The following EPHB1 variants were observed in gnomAD, a reference collection of about 807,000 sequenced individuals.
EPHB1 encodes the protein EPH receptor B1.
A neutral mutation model predicts 94.4 loss-of-function variants in EPHB1; 30 were observed. The observed-to-expected ratio is 0.32, with a 90% CI of 0.24 to 0.43. The LOEUF is 0.43. Among genes scored for constraint, EPHB1 ranks in the 20% least tolerant of loss-of-function variants. The pLI is 1.00. For synonymous variants in EPHB1, 522 were observed against 489.1 expected (o/e 1.07, Z -0.89); for missense variants, 1,055 against 1,308.3 (o/e 0.81, Z 2.99).
At chr3:135,074,240 C>G (rs972898662) in intron 3 of EPHB1, among the ~76,000 whole-genome samples, 1 of 152,222 alleles carries the variant, frequency 6.6e-6, no homozygotes, top group Non-Finnish European at 1.5e-5. Flanking sequence ...TCTCTACATT[C>G]TCCAATTGAT....
At chr3:134,862,706 A>G (rs6439528) in intron 1 of EPHB1, among the ~76,000 whole-genome samples, 150,534 of 152,152 alleles carry the variant, frequency 0.99, 74,485 homozygotes, top group Middle Eastern at 1. Flanking sequence ...TGCCGTGGCC[A>G]TTGGTGTTTG....
chr3:134,857,784 C>T (rs1362822023), intron 1 of EPHB1, among the ~76,000 whole-genome samples: 2 of 152,168 alleles, frequency 1.3e-5, no homozygotes, highest in African/African-American at 4.8e-5. Context: ...CCTTTATTCC[C>T]CTCCTCTCTG....
intron 1 of EPHB1, among the ~76,000 whole-genome samples, chr3:134,922,090 C>A (rs1318378309): frequency 6.6e-6 from 1 of 152,210 alleles, no homozygotes; most frequent in East Asian, 1.9e-4. Context: ...GTGTCCTCTG[C>A]AGGAATCCCC....
chr3:135,167,954 G>C (rs1941696623), intron 9 of EPHB1, among the ~76,000 whole-genome samples: 1 of 152,122 alleles, frequency 6.6e-6, no homozygotes, highest in African/African-American at 2.4e-5. Context: ...CTCCACAGGG[G>C]GGTTCTTCTG....
intron 12 of EPHB1, among the ~76,000 whole-genome samples, chr3:135,206,840 G>A (rs1255440514): frequency 6.6e-6 from 1 of 151,802 alleles, no homozygotes; most frequent in Admixed American, 6.6e-5. Flanking sequence ...CAAGAGGGGA[G>A]CCCCATCTCA....
chr3:134,853,754 GGAT>G (rs2037044183), intron 1 of EPHB1, among the ~76,000 whole-genome samples: 1 of 152,178 alleles, frequency 6.6e-6, no homozygotes, highest in Non-Finnish European at 1.5e-5. Flanking sequence ...CTTCCTGTAT[GGAT>G]GGAGAAAAGA....
intron 12 of EPHB1, among the ~76,000 whole-genome samples, chr3:135,213,750 T>G (rs1431114755): frequency 1.3e-5 from 2 of 152,158 alleles, no homozygotes; most frequent in African/African-American, 4.8e-5. Context: ...TTCTGATCAG[T>G]AGGAAGAGGC....
At chr3:134,857,416 T>C (rs988557920) in intron 1 of EPHB1, among the ~76,000 whole-genome samples, 3 of 152,152 alleles carry the variant, frequency 2.0e-5, no homozygotes, top group African/African-American at 7.2e-5. Context: ...GTCTGGTTAG[T>C]GTGATTGATT....
chr3:134,865,764 C>T (rs867163143), intron 1 of EPHB1, among the ~76,000 whole-genome samples: 27 of 152,020 alleles, frequency 1.8e-4, no homozygotes, highest in African/African-American at 4.8e-4. Flanking sequence ...GTGTTTCATA[C>T]GTTACCTTTT....
At chr3:135,050,377 A>G (rs1056514834) in intron 3 of EPHB1, among the ~76,000 whole-genome samples, 1 of 152,206 alleles carries the variant, frequency 6.6e-6, no homozygotes, top group Non-Finnish European at 1.5e-5. Flanking sequence ...AGTTCTTTAA[A>G]TTAAAATAAA....
At chr3:135,041,093 C>T (rs997431145) in intron 3 of EPHB1, among the ~76,000 whole-genome samples, 4 of 152,154 alleles carry the variant, frequency 2.6e-5, no homozygotes, top group Admixed American at 1.3e-4. Flanking sequence ...CACCTGGGGC[C>T]TCTTCCCTGG....
chr3:135,024,535 G>A (rs1051590076), intron 3 of EPHB1, among the ~76,000 whole-genome samples: 2 of 152,190 alleles, frequency 1.3e-5, no homozygotes, highest in Admixed American at 6.5e-5. Context: ...CCAGAGCAGA[G>A]CACGTGTCTG....
chr3:135,095,393 C>T (rs1341945108), intron 3 of EPHB1, among the ~76,000 whole-genome samples: 1 of 152,246 alleles, frequency 6.6e-6, no homozygotes, highest in East Asian at 1.9e-4. Context: ...TTCTAGATAG[C>T]TCTTGAATCT....
intron 2 of EPHB1, among the ~76,000 whole-genome samples, chr3:134,948,556 T>C (rs1169279419): frequency 6.6e-6 from 1 of 152,232 alleles, no homozygotes; most frequent in Non-Finnish European, 1.5e-5. Context: ...GTGGTTCTTT[T>C]ACATCTAGAG....
At chr3:135,104,107 C>T (rs927180252) in intron 3 of EPHB1, among the ~76,000 whole-genome samples, 2 of 152,204 alleles carry the variant, frequency 1.3e-5, no homozygotes, top group African/African-American at 2.4e-5. Flanking sequence ...CACCTCTACC[C>T]CTCCCCCACT....
intron 1 of EPHB1, among the ~76,000 whole-genome samples, chr3:134,804,288 G>A (rs948388869): frequency 6.6e-6 from 1 of 151,940 alleles, no homozygotes; most frequent in African/African-American, 2.4e-5. Flanking sequence ...AAGAAGCAAA[G>A]TGGAAACCCC....
At chr3:135,205,430 T>C (rs1473679213) in intron 12 of EPHB1, among the ~76,000 whole-genome samples, 1 of 152,234 alleles carries the variant, frequency 6.6e-6, no homozygotes. Context: ...CTCTGGCTTA[T>C]AAAGTGGTTA....
intron 3 of EPHB1, among the ~76,000 whole-genome samples, chr3:135,061,130 TA>T (rs955759057): frequency 3.3e-5 from 5 of 151,952 alleles, no homozygotes; most frequent in African/African-American, 7.3e-5. Flanking sequence ...GGATCTCATT[TA>T]AAAAAAAATT....
intron 9 of EPHB1, among the ~76,000 whole-genome samples, chr3:135,174,068 A>G (rs549250444): frequency 6.6e-6 from 1 of 152,230 alleles, no homozygotes; most frequent in Admixed American, 6.5e-5. Flanking sequence ...CTGAATTTGT[A>G]TTACATAACA....
Sources: allele counts gnomAD v4.1 joint callset (sites outside exome capture counted in the v4.1 genomes callset), GRCh38; gene constraint gnomAD v4.1.1; transcripts MANE v1.5; gene names NCBI Gene and HGNC (gene_info 2026-07-23, HGNC 2026-07-21).